The following PFDN1 variants were observed in gnomAD, a reference collection of about 807,000 sequenced individuals.
The protein encoded by PFDN1 is prefoldin 1.
In PFDN1, 6 loss-of-function variants were observed where a neutral mutation model predicts 17.3. The observed-to-expected ratio is 0.35, with a 90% CI of 0.19 to 0.69. The LOEUF (loss-of-function observed/expected upper bound fraction) is 0.69, where lower values mean the gene tolerates loss of function less well. PFDN1 is among the 30% of genes least tolerant of loss of function. PFDN1 has a pLI of 0.65. For synonymous variants in PFDN1, 58 were observed against 50.1 expected (o/e 1.16, Z -0.67); for missense variants, 113 against 146.2 (o/e 0.77, Z 1.17).
intron 3 of PFDN1, among the ~76,000 whole-genome samples, chr5:140,280,749 A>G (rs997782063): frequency 6.6e-5 from 10 of 152,216 alleles, no homozygotes; most frequent in Non-Finnish European, 1.0e-4. Context: ...AGAAATAACC[A>G]GCTTTTTGTC....
At chr5:140,251,876 C>T (rs972974796) in intron 3 of PFDN1, among the ~76,000 whole-genome samples, 1 of 152,164 alleles carries the variant, frequency 6.6e-6, no homozygotes. Context: ...ACTTTTCTGA[C>T]ATGACACAAT....
At chr5:140,302,515 AG>A (rs1200664457) in intron 1 of PFDN1, among the ~76,000 whole-genome samples, 4 of 152,066 alleles carry the variant, frequency 2.6e-5, no homozygotes, top group Non-Finnish European at 1.5e-5. Flanking sequence ...AAAGAAGTGG[AG>A]GGGGGGCAAA....
At chr5:140,279,513 T>C (rs1336136588) in intron 3 of PFDN1, among the ~76,000 whole-genome samples, 2 of 151,880 alleles carry the variant, frequency 1.3e-5, no homozygotes, top group African/African-American at 4.8e-5. Context: ...TGTTTTTTTT[T>C]TTCCCTAAAG....
intron 3 of PFDN1, among the ~76,000 whole-genome samples, chr5:140,263,065 T>C (rs1765086010): frequency 6.6e-6 from 1 of 152,234 alleles, no homozygotes; most frequent in African/African-American, 2.4e-5. Context: ...GGCAGGTACT[T>C]TTCATAAGGG....
intron 3 of PFDN1, among the ~76,000 whole-genome samples, chr5:140,275,079 G>T (rs13359519): frequency 6.6e-6 from 1 of 151,064 alleles, no homozygotes; most frequent in Admixed American, 6.6e-5. Flanking sequence ...AAGTTCTAAG[G>T]AAAAAAAAGA....
chr5:140,272,769 A>C (rs1223775567), intron 3 of PFDN1, among the ~76,000 whole-genome samples: 3 of 152,198 alleles, frequency 2.0e-5, no homozygotes, highest in Non-Finnish European at 4.4e-5. Context: ...ATAAACAACA[A>C]GGAGGGTTCT....
intron 2 of PFDN1, among the ~76,000 whole-genome samples, chr5:140,288,005 C>T (rs970456470): frequency 2.0e-5 from 3 of 152,214 alleles, no homozygotes; most frequent in African/African-American, 7.2e-5. Context: ...AATGGTACAG[C>T]CCACTTTGGA....
At chr5:140,277,658 G>A (rs1765316768) in intron 3 of PFDN1, among the ~76,000 whole-genome samples, 2 of 151,494 alleles carry the variant, frequency 1.3e-5, no homozygotes, top group Admixed American at 6.6e-5. Flanking sequence ...AGCCTGGGAG[G>A]TGGAGGCTGC....
chr5:140,253,077 T>A (rs1764937667), intron 3 of PFDN1, among the ~76,000 whole-genome samples: 2 of 152,164 alleles, frequency 1.3e-5, no homozygotes, highest in Admixed American at 6.5e-5. Flanking sequence ...TAAAGCAATC[T>A]TAGGCATGGA....
intron 3 of PFDN1, among the ~76,000 whole-genome samples, chr5:140,277,012 G>C (rs1237235785): frequency 6.6e-6 from 1 of 151,854 alleles, no homozygotes; most frequent in East Asian, 1.9e-4. Flanking sequence ...CCGAGGTCAG[G>C]AGTTCGAGAC....
At chr5:140,261,936 C>T (rs751445670) in intron 3 of PFDN1, among the ~76,000 whole-genome samples, 1 of 152,024 alleles carries the variant, frequency 6.6e-6, no homozygotes, top group Non-Finnish European at 1.5e-5. Flanking sequence ...ACAGAACAAA[C>T]GTCACAGCCG....
intron 3 of PFDN1, among the ~76,000 whole-genome samples, chr5:140,275,844 T>TA (rs1765283206): frequency 6.6e-6 from 1 of 151,978 alleles, no homozygotes; most frequent in African/African-American, 2.4e-5. Flanking sequence ...GCCAAATCAG[T>TA]AAAACAAGTT....
chr5:140,274,415 C>A (rs922276320), intron 3 of PFDN1, among the ~76,000 whole-genome samples: 4 of 152,068 alleles, frequency 2.6e-5, no homozygotes, highest in African/African-American at 9.7e-5. Context: ...GCACTCAGTA[C>A]CTTCTTTAGA....
intron 3 of PFDN1, among the ~76,000 whole-genome samples, chr5:140,271,029 T>C (rs553002404): frequency 6.6e-6 from 1 of 152,344 alleles, no homozygotes; most frequent in South Asian, 2.1e-4. Context: ...GCTTTATATT[T>C]GGGCAAATTT....
chr5:140,297,819 T>C (rs1457455096), intron 2 of PFDN1, among the ~76,000 whole-genome samples: 1 of 152,202 alleles, frequency 6.6e-6, no homozygotes, highest in Non-Finnish European at 1.5e-5. Context: ...TAATTAAAAA[T>C]TAAAACTTCA....
intron 3 of PFDN1, among the ~76,000 whole-genome samples, chr5:140,265,292 A>G (rs1765120383): frequency 2.0e-5 from 3 of 152,202 alleles, no homozygotes; most frequent in Admixed American, 1.3e-4. Context: ...CCATGTGGGT[A>G]TTCACTTGGT....
chr5:140,289,478 C>A (rs984771287), intron 2 of PFDN1, among the ~76,000 whole-genome samples: 1 of 152,124 alleles, frequency 6.6e-6, no homozygotes, highest in African/African-American at 2.4e-5. Flanking sequence ...ACTATGCTAT[C>A]CATGTTTCCC....
chr5:140,288,221 G>A (rs958031011), intron 2 of PFDN1, among the ~76,000 whole-genome samples: 6 of 152,134 alleles, frequency 3.9e-5, no homozygotes, highest in African/African-American at 1.2e-4. Context: ...AATATTATTC[G>A]ACGACAAAAC....
chr5:140,298,553 CTT>C (rs372727060), intron 2 of PFDN1, among the ~76,000 whole-genome samples: 1 of 151,602 alleles, frequency 6.6e-6, no homozygotes, highest in Admixed American at 6.6e-5. Flanking sequence ...TTTTCCATTC[CTT>C]TTTTTCTGCT....
Sources: allele counts gnomAD v4.1 joint callset (sites outside exome capture counted in the v4.1 genomes callset), GRCh38; gene constraint gnomAD v4.1.1; transcripts MANE v1.5; gene names NCBI Gene and HGNC (gene_info 2026-07-23, HGNC 2026-07-21).